Variants in WDR70 observed in about 807,000 individuals in gnomAD.
The protein encoded by WDR70 is WD repeat-containing protein 70.
WDR70 carries 53 observed loss-of-function variants against 88.6 expected under a neutral mutation model. The ratio of observed to expected loss-of-function variants is 0.60; its 90% CI spans 0.48 to 0.75. The LOEUF (loss-of-function observed/expected upper bound fraction) is 0.75. WDR70 is among the 30% of genes least tolerant of loss of function. The pLI is 0.00. For synonymous variants in WDR70, 280 were observed against 270.0 expected, an observed-to-expected ratio of 1.04 and a Z score of -0.36; for missense variants, 610 against 823.2, an observed-to-expected ratio of 0.74 and a Z score of 3.17.
intron 5 of WDR70, among the ~76,000 whole-genome samples, chr5:37,408,317 T>TA (rs1013605670): frequency 2.6e-5 from 4 of 151,834 alleles, no homozygotes; most frequent in African/African-American, 7.3e-5. Flanking sequence ...ACTAAAAATA[T>TA]AAAAAAATTA....
intron 8 of WDR70, among the ~76,000 whole-genome samples, chr5:37,481,125 C>CA (rs1369782432): frequency 6.6e-6 from 1 of 152,210 alleles, no homozygotes; most frequent in Non-Finnish European, 1.5e-5. Flanking sequence ...TTGCAGGGTA[C>CA]AGCCCCCCTT....
intron 9 of WDR70, among the ~76,000 whole-genome samples, chr5:37,560,032 G>GT (rs1436766983): frequency 6.6e-6 from 1 of 152,064 alleles, no homozygotes; most frequent in East Asian, 1.9e-4. Context: ...GATTTTTAAT[G>GT]TTTTTTAGAA....
intron 10 of WDR70, among the ~76,000 whole-genome samples, chr5:37,651,826 T>G (rs2112561400): frequency 1.3e-5 from 2 of 152,344 alleles, no homozygotes; most frequent in South Asian, 4.1e-4. Flanking sequence ...TCTTGTAAAT[T>G]TGTTTAAGTT....
intron 8 of WDR70, among the ~76,000 whole-genome samples, chr5:37,511,435 ACTTT>A (rs1212452955): frequency 1.3e-5 from 2 of 149,922 alleles, no homozygotes; most frequent in Non-Finnish European, 3.0e-5. Context: ...TCTTTGTAGT[ACTTT>A]CTTTTTTTTT....
chr5:37,389,292 C>CATAT (rs538858219), intron 3 of WDR70, among the ~76,000 whole-genome samples: 11,912 of 143,128 alleles, frequency 0.083, 2,236 homozygotes, highest in African/African-American at 0.33. Flanking sequence ...AGGGTTTCAC[C>CATAT]TGTCGAGACC....
intron 9 of WDR70, among the ~76,000 whole-genome samples, chr5:37,538,318 T>C (rs1183593265): frequency 6.6e-6 from 1 of 152,186 alleles, no homozygotes; most frequent in Admixed American, 6.5e-5. Context: ...TAAAAGTTTA[T>C]TCATCTCAAC....
chr5:37,729,262 A>G (rs780383879), intron 17 of WDR70, among the ~76,000 whole-genome samples: 2 of 152,168 alleles, frequency 1.3e-5, no homozygotes, highest in Non-Finnish European at 2.9e-5. Flanking sequence ...ATTAGAAACG[A>G]AAGGCTGTGT....
At chr5:37,428,725 A>C (rs1409001466) in intron 5 of WDR70, among the ~76,000 whole-genome samples, 1 of 152,178 alleles carries the variant, frequency 6.6e-6, no homozygotes, top group Non-Finnish European at 1.5e-5. Flanking sequence ...TACTGTGATC[A>C]TTCTTGTACA....
intron 7 of WDR70, among the ~76,000 whole-genome samples, chr5:37,463,207 G>C (rs1739064170): frequency 6.6e-6 from 1 of 152,086 alleles, no homozygotes; most frequent in South Asian, 2.1e-4. Context: ...AGGAGGTGGT[G>C]GTTGCAGTGA....
chr5:37,597,856 A>T (rs534142366), intron 9 of WDR70, among the ~76,000 whole-genome samples: 2 of 152,364 alleles, frequency 1.3e-5, no homozygotes, highest in South Asian at 4.1e-4. Flanking sequence ...AAAATGACTA[A>T]GACAGTCTAA....
At chr5:37,450,494 A>G (rs1361608314) in intron 7 of WDR70, among the ~76,000 whole-genome samples, 2 of 152,188 alleles carry the variant, frequency 1.3e-5, no homozygotes, top group Non-Finnish European at 2.9e-5. Context: ...ACTCTAATCC[A>G]GTACTATGTT....
intron 10 of WDR70, among the ~76,000 whole-genome samples, chr5:37,680,020 A>G (rs1746377979): frequency 6.6e-6 from 1 of 152,186 alleles, no homozygotes; most frequent in Middle Eastern, 3.2e-3. Flanking sequence ...CCAACAATGT[A>G]AAAGCATTTC....
chr5:37,446,422 A>G (rs1738479442), intron 7 of WDR70, among the ~76,000 whole-genome samples: 1 of 152,240 alleles, frequency 6.6e-6, no homozygotes, highest in Admixed American at 6.5e-5. Flanking sequence ...CTTTCTTCAT[A>G]GAATTGGAAA....
intron 10 of WDR70, among the ~76,000 whole-genome samples, chr5:37,671,755 T>C (rs1746032333): frequency 6.6e-6 from 1 of 152,174 alleles, no homozygotes; most frequent in African/African-American, 2.4e-5. Context: ...GGATATAAAC[T>C]GACTGACTTT....
At chr5:37,580,802 T>G (rs1407168458) in intron 9 of WDR70, among the ~76,000 whole-genome samples, 2 of 152,268 alleles carry the variant, frequency 1.3e-5, no homozygotes, top group Non-Finnish European at 2.9e-5. Context: ...TTATTATCAG[T>G]TCAAAACAGC....
At chr5:37,743,859 C>T (rs372511795) in intron 17 of WDR70, among the ~76,000 whole-genome samples, 10 of 152,198 alleles carry the variant, frequency 6.6e-5, no homozygotes, top group Admixed American at 3.3e-4. Flanking sequence ...CTGAGGAATC[C>T]GGGCAGCCCA....
At chr5:37,532,192 T>C (rs1741514655) in intron 9 of WDR70, among the ~76,000 whole-genome samples, 1 of 152,200 alleles carries the variant, frequency 6.6e-6, no homozygotes, top group Non-Finnish European at 1.5e-5. Context: ...CTCTGAAGAT[T>C]CTTTTTATTG....
chr5:37,569,181 G>C (rs936972528), intron 9 of WDR70, among the ~76,000 whole-genome samples: 2 of 152,184 alleles, frequency 1.3e-5, no homozygotes, highest in Admixed American at 6.5e-5. Flanking sequence ...GAAAGTTCTA[G>C]CTGACTTGTA....
intron 10 of WDR70, among the ~76,000 whole-genome samples, chr5:37,672,799 T>C (rs1449808295): frequency 6.6e-6 from 1 of 152,142 alleles, no homozygotes; most frequent in African/African-American, 2.4e-5. Context: ...TCTTGCTCTG[T>C]ACTTTGTCTC....
Sources: allele counts gnomAD v4.1 joint callset (sites outside exome capture counted in the v4.1 genomes callset), GRCh38; gene constraint gnomAD v4.1.1; transcripts MANE v1.5; gene names NCBI Gene and HGNC (gene_info 2026-07-23, HGNC 2026-07-21).